Variants in ACSL3 observed in about 807,000 individuals in gnomAD.
ACSL3 encodes acyl-CoA synthetase long chain family member 3.
In ACSL3, 34 loss-of-function variants were observed where a neutral mutation model predicts 84.7. The observed-to-expected ratio is 0.40, with a 90% CI of 0.31 to 0.53. The LOEUF (loss-of-function observed/expected upper bound fraction) is 0.53. ACSL3 is among the 20% of genes least tolerant of loss of function. ACSL3 has a pLI of 0.48. For missense variants in ACSL3, 680 were observed against 873.1 expected (o/e 0.78, Z 2.79); for synonymous variants, 315 against 299.4 (o/e 1.05, Z -0.54).
At chr2:222,870,568 G>A (rs929575297) in intron 1 of ACSL3, among the ~76,000 whole-genome samples, 1 of 152,238 alleles carries the variant, frequency 6.6e-6, no homozygotes, top group Admixed American at 6.5e-5. Flanking sequence ...GCTAGGGCCA[G>A]TGGAGGTTTG....
intron 2 of ACSL3, among the ~76,000 whole-genome samples, chr2:222,894,849 T>A (rs1271112512): frequency 1.3e-5 from 2 of 152,212 alleles, no homozygotes; most frequent in Non-Finnish European, 2.9e-5. Context: ...GTATATATGT[T>A]TTTCAGGCAT....
At position 222,941,834 on chromosome 2, in the gene ACSL3, G is replaced by C; in HGVS notation, c.*180G>C. 1.0e-5 allele frequency: 6 copies of C among 599,246 alleles called. No individual in the cohort carries two copies. Among genetic ancestry groups the C allele is most frequent in the Non-Finnish European group, 1.6e-5 (6 of 383,476 alleles). 37.1% of individuals were successfully genotyped at this position (599,246 alleles called of 1,614,324 possible). ...ACATTAAGACAGCAAACTTGTGTCT[G>C]TCTCTTCTTTCATTTTCCCCGCCAC... is the stretch of plus-strand genomic sequence containing the variant. On this transcript the variant is annotated 3_prime_UTR_variant, in exon 17 of 17. Transcript: ENST00000357430.
chr2:222,933,137 T>C (rs748665291), intron 14 of ACSL3, 29 bp from the exon 15 acceptor site: 6 of 1,375,970 alleles, frequency 4.4e-6, no homozygotes, highest in Non-Finnish European at 6.2e-6. Flanking sequence ...CTCATTGTTT[T>C]CCCCTCTCCA....
intron 1 of ACSL3, among the ~76,000 whole-genome samples, chr2:222,874,114 C>T (rs555201974): frequency 1.1e-4 from 16 of 152,228 alleles, no homozygotes; most frequent in East Asian, 9.7e-4. Flanking sequence ...CTCCATCTCC[C>T]GGATTCAGGT....
At chr2:222,863,690 A>G (rs1385027874) in intron 1 of ACSL3, among the ~76,000 whole-genome samples, 2 of 152,226 alleles carry the variant, frequency 1.3e-5, no homozygotes, top group Non-Finnish European at 2.9e-5. Context: ...CCATTGTAGC[A>G]TACGCTTCAC....
In ACSL3 at chr2:222,882,956, A is replaced by G. The variant is rs372577991; in HGVS notation, c.-206-4874A>G. Among the ~76,000 whole-genome samples the G allele has an allele frequency of 1.4e-4, 19 of 137,406 alleles. No homozygotes were observed. The East Asian group carries it at 2.1e-3, about 15-fold the overall frequency. The allele number at this position is 137,406 out of a possible 152,430, so 90.1% of individuals were successfully genotyped here. ...CTAATTTTTGGTATTTTTAGTAGCA[A>G]TGGGGTTTCGCTGTGTTAGCCAGGA... On this transcript the variant is annotated intron_variant, in intron 1 of 16. Transcript: ENST00000357430.
intron 1 of ACSL3, among the ~76,000 whole-genome samples, chr2:222,884,425 A>T (rs1453944976): frequency 6.6e-6 from 1 of 152,224 alleles, no homozygotes; most frequent in Non-Finnish European, 1.5e-5. Context: ...AATAGAGACC[A>T]GAAGTTCAAA....
chr2:222,873,221 A>G lies in ACSL3; in HGVS notation c.-207+11963A>G, dbSNP rs111286885. On this transcript the variant is annotated intron_variant, in intron 1 of 16. Transcript: ENST00000357430. ...AAATTATCTTCAGCAGTATTAAAACATCTATAAATATATATAACAATATAC... is the reference window on the plus strand; with the variant it reads ...AAATTATCTTCAGCAGTATTAAAACGTCTATAAATATATATAACAATATAC... 2.3e-3 allele frequency among the ~76,000 whole-genome samples: 355 copies of G among 152,380 alleles called. 1 individual carries two copies. The highest frequency in any genetic ancestry group is 4.2e-3 in the Non-Finnish European group (287 of 68,046).
intron 16 of ACSL3, among the ~76,000 whole-genome samples, chr2:222,935,054 G>C (rs1697136473): frequency 6.6e-6 from 1 of 152,178 alleles, no homozygotes; most frequent in Non-Finnish European, 1.5e-5. Flanking sequence ...ACTGGTAGTT[G>C]GTTGTACTAA....
intron 16 of ACSL3, among the ~76,000 whole-genome samples, chr2:222,937,929 C>A (rs908212570): frequency 1.3e-5 from 2 of 151,762 alleles, no homozygotes; most frequent in Non-Finnish European, 2.9e-5. Context: ...TTCTTTGATT[C>A]CCTTGTCTTT....
intron 16 of ACSL3, among the ~76,000 whole-genome samples, chr2:222,940,442 A>G (rs1047557367): frequency 2.0e-5 from 3 of 150,780 alleles, no homozygotes; most frequent in African/African-American, 7.3e-5. Flanking sequence ...ATCTAGGTGC[A>G]TATAAGTTTA....
intron 8 of ACSL3, among the ~76,000 whole-genome samples, chr2:222,921,732 A>G (rs1696745283): frequency 6.6e-6 from 1 of 152,118 alleles, no homozygotes; most frequent in Non-Finnish European, 1.5e-5. Flanking sequence ...TCTAAATACA[A>G]TTCAGGTGAA....
In ACSL3 at chr2:222,942,386, T is replaced by C. The variant is rs1319726850; in HGVS notation, c.*732T>C. On this transcript the variant is annotated 3_prime_UTR_variant, in exon 17 of 17. Coordinates refer to ENST00000357430, the MANE Select transcript of ACSL3 (RefSeq NM_004457.5). ...CAGCATGTGTAGCACCAGTTGATAA[T>C]TGGTCTCTAGTAGCTTACTGTCAAA... 2 of 192,250 alleles carry C rather than the reference T, an allele frequency of 1.0e-5. No individual in the cohort carries two copies. The highest frequency in any genetic ancestry group is 1.9e-4 in the South Asian group (1 of 5,162). 11.9% of individuals were successfully genotyped at this position (192,250 alleles called of 1,614,324 possible).
chr2:222,898,826 CAA>C (rs1696061605), intron 2 of ACSL3, among the ~76,000 whole-genome samples: 1 of 151,638 alleles, frequency 6.6e-6, no homozygotes, highest in African/African-American at 2.4e-5. Flanking sequence ...GACTCTGTCT[CAA>C]AAAACAAAAA....
In ACSL3 at chr2:222,901,909, A is replaced by T. The variant is rs1696160966; in HGVS notation, c.-41+1129A>T. 2.3e-5 allele frequency among the ~76,000 whole-genome samples: 3 copies of T among 130,752 alleles called. No individual in the cohort carries two copies. The South Asian group carries it at 8.2e-4, about 36-fold the overall frequency. 85.8% of individuals were successfully genotyped at this position (130,752 alleles called of 152,430 possible). On this transcript the variant is annotated intron_variant, in intron 3 of 16. Coordinates refer to ENST00000357430, the MANE Select transcript of ACSL3 (RefSeq NM_004457.5). ...TAGTGAGCCGAGATCGCGCCACTGC[A>T]CTCCAGCCTGGGTGACAGAGTGAGA...
rs1696905325 is a variant in ACSL3, at chr2:222,927,204, G to A, written c.1465+15G>A. ...AATTTCCGAAGGTAGTGTTCTCCAT[G>A]GTCAGAGGCTGGAGTGTGATGCCAG... On this transcript the variant is annotated intron_variant, in intron 12 of 16. Coordinates refer to ENST00000357430, the MANE Select transcript of ACSL3 (RefSeq NM_004457.5). The A allele has an allele frequency of 1.2e-6, 2 of 1,607,790 alleles. No individual in the cohort carries two copies. Among genetic ancestry groups the A allele is most frequent in the Non-Finnish European group, 1.7e-6 (2 of 1,174,646 alleles).
chr2:222,917,278 A>G (rs1251139540), intron 5 of ACSL3: 2 of 152,276 alleles, frequency 1.3e-5, no homozygotes, highest in Non-Finnish European at 2.9e-5. Flanking sequence ...TTTAGTAGAG[A>G]TGGGGTTTCA....
At chr2:222,937,149 G>T (rs1270973146) in intron 16 of ACSL3, among the ~76,000 whole-genome samples, 2 of 152,108 alleles carry the variant, frequency 1.3e-5, no homozygotes, top group Admixed American at 1.3e-4. Flanking sequence ...CACCTCCTTG[G>T]TTAGGTTTAT....
chr2:222,884,681 T>A (rs1050470347), intron 1 of ACSL3, among the ~76,000 whole-genome samples: 1 of 152,206 alleles, frequency 6.6e-6, no homozygotes, highest in African/African-American at 2.4e-5. Context: ...GACCACTGGG[T>A]AATCTAGGGT....
Sources: gnomAD v4.1 joint callset for allele counts (sites outside exome capture counted in the v4.1 genomes callset) on GRCh38, gnomAD v4.1.1 for gene constraint, MANE v1.5 for transcripts, NCBI Gene and HGNC (gene_info 2026-07-23, HGNC 2026-07-21) for gene names.